Variants in DROSHA observed in about 807,000 individuals in gnomAD.
The protein encoded by DROSHA is ribonuclease 3.
A neutral mutation model predicts 181.9 loss-of-function variants in DROSHA; 56 were observed. The observed-to-expected ratio is 0.31, with a 90% CI of 0.25 to 0.38. The LOEUF (loss-of-function observed/expected upper bound fraction) is 0.38. Ranked by LOEUF, DROSHA falls within the 10% of genes least tolerant of loss-of-function variation. The probability of loss-of-function intolerance (pLI) is 1.00; values close to 1 mark genes in which losing one functional copy is unlikely to be tolerated. For missense variants in DROSHA, 1,218 were observed against 1,743.5 expected (o/e 0.70, Z 5.37); for synonymous variants, 524 against 591.2 (o/e 0.89, Z 1.65).
intron 30 of DROSHA, among the ~76,000 whole-genome samples, chr5:31,414,456 C>A (rs557888745): frequency 6.6e-6 from 1 of 152,284 alleles, no homozygotes; most frequent in East Asian, 1.9e-4. Flanking sequence ...AAAGATTTAG[C>A]ACCAAGTTAC....
At chr5:31,433,003 A>C (rs1322496825) in intron 25 of DROSHA, among the ~76,000 whole-genome samples, 1 of 152,244 alleles carries the variant, frequency 6.6e-6, no homozygotes, top group Non-Finnish European at 1.5e-5. Context: ...CATTTCCATT[A>C]CCATGTAATT....
intron 16 of DROSHA, among the ~76,000 whole-genome samples, chr5:31,479,460 C>G (rs188367893): frequency 6.6e-6 from 1 of 152,156 alleles, no homozygotes; most frequent in East Asian, 1.9e-4. Context: ...ATATCTCATA[C>G]GAATTGTGAA....
intron 13 of DROSHA, 129 bp downstream of exon 13, chr5:31,493,078 T>C: frequency 2.1e-6 from 2 of 965,866 alleles, no homozygotes; most frequent in Non-Finnish European, 3.1e-6. Context: ...TGCAGCTCAT[T>C]TACAATACAG....
At position 31,411,022 on chromosome 5, in the gene DROSHA, C is replaced by T; in HGVS notation, c.3526-135G>A. ...AATAAGTGAGGTCTATGGCCTCAAC[C>T]ATCACCCAGATGACAGTGATATGCT... is the stretch of plus-strand genomic sequence containing the variant. On this transcript the variant is annotated intron_variant, in intron 30 of 35. Coordinates refer to ENST00000344624, the MANE Select transcript of DROSHA (RefSeq NM_001382508.1). The surrounding 1 kb of genome is among the most constrained non-coding windows in gnomAD (Gnocchi z 4.2). 3 of 1,247,008 alleles carry T rather than the reference C, an allele frequency of 2.4e-6. No homozygotes were observed. Among genetic ancestry groups the T allele is most frequent in the South Asian group, 1.4e-5 (1 of 69,126 alleles). 77.2% of individuals were successfully genotyped at this position (1,247,008 alleles called of 1,614,324 possible). A position where few individuals can be genotyped will look rare whatever the true frequency, so the allele number is the denominator to read the frequency against.
chr5:31,492,283 T>C (rs11745484), intron 13 of DROSHA, among the ~76,000 whole-genome samples: 141,962 of 152,054 alleles, frequency 0.93, 66,514 homozygotes, highest in Non-Finnish European at 0.98. Context: ...TTAGCATCAC[T>C]GCTATGGAAT....
chr5:31,522,935 A>T (rs796395946), intron 5 of DROSHA, among the ~76,000 whole-genome samples: 6 of 152,218 alleles, frequency 3.9e-5, no homozygotes, highest in Admixed American at 2.6e-4. Context: ...CCCTAAGACA[A>T]TCTTGCAATT....
In DROSHA at chr5:31,409,321, C is replaced by T; in HGVS notation, c.3679G>A (p.Ala1227Thr). The change falls in exon 32 of 36, where the codon GCG (alanine) becomes ACG (threonine). Residue 1227 changes from alanine to threonine, a missense_variant. This residue lies in a region of DROSHA where 47 missense variants were observed against 70.6 expected (regional missense o/e 0.67). Transcript: ENST00000344624. The surrounding 1 kb of genome is among the most constrained non-coding windows in gnomAD (Gnocchi z 4.0). ...LADLLESFIA[A>T]LYIDKDLEYV... Reference sequence around the variant, plus strand: ...TCCAAATCCTTATCAATGTACAGCGCTGCAATAAATGCTGGGGAAAAAAGA... The same window carrying T: ...TCCAAATCCTTATCAATGTACAGCGTTGCAATAAATGCTGGGGAAAAAAGA... The T allele has an allele frequency of 6.3e-7, 1 of 1,577,404 alleles. No individual in the cohort carries two copies. Among genetic ancestry groups the T allele is most frequent in the Non-Finnish European group, 8.6e-7 (1 of 1,160,486 alleles).
In DROSHA at chr5:31,508,785, G is replaced by T; in HGVS notation, c.1433-10C>A. 6.2e-7 allele frequency: 1 copy of T among 1,602,046 alleles called. No individual in the cohort carries two copies. The highest frequency in any genetic ancestry group is 2.2e-5 in the East Asian group (1 of 44,702). On this transcript the variant is annotated splice_polypyrimidine_tract_variant and intron_variant, in intron 9 of 35. Transcript: ENST00000344624. ...GATTCACTGGAACTCTCTAACAGGG[G>T]TTGGGAGAAAAATACAGAAATTGAT...
chr5:31,494,865 G>A lies in DROSHA; in HGVS notation c.1755+421C>T, dbSNP rs928086756. Among the ~76,000 whole-genome samples, 12 of 152,078 alleles carry A rather than the reference G, an allele frequency of 7.9e-5. No homozygotes were observed. The South Asian group carries it at 1.0e-3, about 13-fold the overall frequency. ...AATTTTTTGTATTTTTAGTAGAGAT[G>A]GGGTTTCACCGTGTTAGCCAGGACG... On this transcript the variant is annotated intron_variant, in intron 12 of 35. Transcript: ENST00000344624.
intron 11 of DROSHA, among the ~76,000 whole-genome samples, chr5:31,499,820 G>A (rs1054897818): frequency 3.3e-5 from 5 of 152,148 alleles, no homozygotes; most frequent in African/African-American, 1.2e-4. Flanking sequence ...CCTTCACTTA[G>A]AGAACCACTA....
Position 31,514,090 on chromosome 5 carries a change from T to C in DROSHA, c.1290+898A>G, listed in dbSNP as rs1739005280. ...TCTAGGAGTCCTCCCTCCAGCCCAT[T>C]AAGGGTGACAATGGCTCTCCCTTTC... On this transcript the variant is annotated intron_variant, in intron 8 of 35. Coordinates refer to ENST00000344624, the MANE Select transcript of DROSHA (RefSeq NM_001382508.1). The surrounding 1 kb of genome is among the most constrained non-coding windows in gnomAD (Gnocchi z 4.4). Among the ~76,000 whole-genome samples, 1 of 152,164 alleles carries C rather than the reference T, an allele frequency of 6.6e-6. No individual in the cohort carries two copies. The highest frequency in any genetic ancestry group is 1.5e-5 in the Non-Finnish European group (1 of 68,036).
Position 31,435,813 on chromosome 5 carries a change from G to C in DROSHA, c.2994C>G (p.Thr998=), listed in dbSNP as rs1406896274. 2 of 1,613,882 alleles carry C rather than the reference G, an allele frequency of 1.2e-6. No homozygotes were observed. Among genetic ancestry groups the C allele is most frequent in the Admixed American group, 3.3e-5 (2 of 60,010 alleles). ...GATTCTGAACAATGGCAGTCCGATA[G>C]GTTGCTAATCCTCCTTCTTCCAGAC... ...FPSLEEGGLA[T]YRTAIVQNQH... The change falls in exon 25 of 36, where the codon ACC becomes ACG. Residue 998 remains threonine (T), a synonymous_variant. Coordinates refer to ENST00000344624, the MANE Select transcript of DROSHA (RefSeq NM_001382508.1).
At chr5:31,430,852 G>A (rs747208074) in intron 26 of DROSHA, among the ~76,000 whole-genome samples, 1 of 152,036 alleles carries the variant, frequency 6.6e-6, no homozygotes, top group Non-Finnish European at 1.5e-5. Context: ...GGGCAAAAAT[G>A]GTAAGAACAA....
chr5:31,497,035 A>G (rs1020730253), intron 11 of DROSHA, among the ~76,000 whole-genome samples: 5 of 152,182 alleles, frequency 3.3e-5, no homozygotes, highest in Non-Finnish European at 5.9e-5. Context: ...AGTGCAACCA[A>G]TGGTAACCCC....
chr5:31,416,476 T>C (rs768961581), intron 30 of DROSHA, among the ~76,000 whole-genome samples: 7 of 152,022 alleles, frequency 4.6e-5, no homozygotes, highest in African/African-American at 1.7e-4. Flanking sequence ...TTCTAGTCCA[T>C]TGGGGTAGGC....
intron 20 of DROSHA, among the ~76,000 whole-genome samples, chr5:31,460,743 T>A (rs1748309700): frequency 6.6e-6 from 1 of 152,204 alleles, no homozygotes; most frequent in South Asian, 2.1e-4. Flanking sequence ...TCAATTAGAT[T>A]TTTATTCTTC....
In DROSHA at chr5:31,526,296, G is replaced by A. The variant is rs1263164551; in HGVS notation, c.637C>T (p.Pro213Ser). ...GACCTTCTCTCACTGGGAGCCTTTG[G>A]GAGTGGGTATGGAGGGAGATGTCTG... The part of the protein sequence containing the change: ...HFRHLPPYPL[P>S]KAPSERRSPE... The change falls in exon 5 of 36, where the codon CCA becomes TCA. Residue 213 changes from proline to serine, a missense_variant. By Grantham distance (74) the Pro-to-Ser change is moderately conservative (BLOSUM62 -1). Around this residue, in one of 8 missense-constraint regions of DROSHA, gnomAD observed 536 missense variants for 535.4 expected, o/e 1.00. Coordinates refer to ENST00000344624, the MANE Select transcript of DROSHA (RefSeq NM_001382508.1). 2 of 1,613,810 alleles carry A rather than the reference G, an allele frequency of 1.2e-6. No individual in the cohort carries two copies. The highest frequency in any genetic ancestry group is 1.1e-5 in the South Asian group (1 of 91,080).
chr5:31,478,187 CT>C (rs1190142895), intron 16 of DROSHA, among the ~76,000 whole-genome samples: 1 of 152,166 alleles, frequency 6.6e-6, no homozygotes, highest in Non-Finnish European at 1.5e-5. Context: ...AGACTTTTCG[CT>C]TATCAGATGG....
intron 11 of DROSHA, among the ~76,000 whole-genome samples, chr5:31,499,925 A>T (rs1369635788): frequency 6.6e-6 from 1 of 152,248 alleles, no homozygotes; most frequent in East Asian, 1.9e-4. Context: ...GTGGGAGGTC[A>T]CAGCAAGGCA....
Sources: gnomAD v4.1 joint callset for allele counts (sites outside exome capture counted in the v4.1 genomes callset) on GRCh38, gnomAD v4.1.1 for gene constraint, gnomAD v4.1.1 regional missense constraint, Gnocchi (gnomAD v3.1) non-coding constraint, MANE v1.5 for transcripts, NCBI Gene and HGNC (gene_info 2026-07-23, HGNC 2026-07-21) for gene names.